ECM2: variants seen among roughly 807,000 people sequenced by gnomAD.
ECM2 encodes the protein extracellular matrix protein 2, female organ and adipocyte specific.
A neutral mutation model predicts 67.5 loss-of-function variants in ECM2; 57 were observed. The observed-to-expected ratio is 0.84, with a 90% confidence interval of 0.68 to 1.05. The LOEUF (loss-of-function observed/expected upper bound fraction) is 1.05, where lower values mean the gene tolerates loss of function less well. Among genes scored for constraint, ECM2 ranks in the 50% least tolerant of loss-of-function variants. ECM2 has a pLI of 0.00. For missense variants in ECM2, 741 were observed against 822.8 expected (o/e 0.90, Z 1.22); for synonymous variants, 258 against 294.5 (o/e 0.88, Z 1.27).
the ECM2 span, among the ~76,000 whole-genome samples, chr9:92,551,297 A>G: frequency 2.0e-5 from 3 of 152,082 alleles, no homozygotes; most frequent in African/African-American, 7.2e-5. Flanking sequence ...TTAAGTATAG[A>G]AGTCTTATTG....
At chr9:92,545,093 G>A in the ECM2 span, among the ~76,000 whole-genome samples, 12 of 152,260 alleles carry the variant, frequency 7.9e-5, no homozygotes, top group South Asian at 1.9e-3. Flanking sequence ...GGCAGCCCTC[G>A]CAGCCCTCGC....
chr9:92,522,547 C>T (rs767168587), intron 2 of ECM2, 28 bp downstream of exon 2: 2 of 1,548,354 alleles, frequency 1.3e-6, no homozygotes, highest in African/African-American at 1.4e-5. Context: ...CTCCCTCTTT[C>T]TGTCTCTCTC....
chr9:92,497,111 C>T (rs1037572341), intron 9 of ECM2, among the ~76,000 whole-genome samples: 20 of 152,102 alleles, frequency 1.3e-4, no homozygotes, highest in African/African-American at 4.6e-4. Context: ...ATTCCCACTC[C>T]TAGGATTTTA....
upstream of ECM2, among the ~76,000 whole-genome samples, chr9:92,540,386 C>T (rs1438699173): frequency 4.7e-5 from 7 of 148,254 alleles, no homozygotes; most frequent in Admixed American, 1.4e-4. Flanking sequence ...CGCAGTGAGT[C>T]GAGATCATGC....
chr9:92,555,881 T>C, the ECM2 span, among the ~76,000 whole-genome samples: 1 of 152,172 alleles, frequency 6.6e-6, no homozygotes, highest in East Asian at 1.9e-4. Context: ...TTGTTGTTGT[T>C]TCAATTTCAT....
rs1272401991 is a variant in ECM2, at chr9:92,496,353, A to G, written c.2062T>C (p.Tyr688His). ...TGTGGTTTAAGAACGATACTTGAGT[A>G]TGATCTTATGCATGAAAATGTGTAA... ...PSYTFSCIRS[Y>H]SSIVLKPQNI... is the part of the protein sequence containing the mutation. The change falls in exon 10 of 10, where the codon TAC becomes CAC. Residue 688 changes from tyrosine to histidine, a missense_variant. Transcript: ENST00000344604. 2.5e-6 allele frequency: 4 copies of G among 1,603,326 alleles called. No homozygotes were observed. Among genetic ancestry groups the G allele is most frequent in the Non-Finnish European group, 3.4e-6 (4 of 1,176,764 alleles).
At chr9:92,533,328 A>AATATATATAT (rs202147064) in intron 1 of ECM2, among the ~76,000 whole-genome samples, 37 of 38,334 alleles carry the variant, frequency 9.7e-4, no homozygotes, top group East Asian at 5.2e-3. Context: ...AAAAAAAAAA[A>AATATATATAT]ATATATATAT....
At chr9:92,551,952 T>TA in the ECM2 span, among the ~76,000 whole-genome samples, 2 of 113,858 alleles carry the variant, frequency 1.8e-5, no homozygotes, top group South Asian at 2.7e-4. Context: ...TATATATATA[T>TA]GATATATATA....
At chr9:92,551,300 T>G in the ECM2 span, among the ~76,000 whole-genome samples, 1 of 152,024 alleles carries the variant, frequency 6.6e-6, no homozygotes, top group Non-Finnish European at 1.5e-5. Flanking sequence ...AGTATAGAAG[T>G]CTTATTGTGA....
intron 1 of ECM2, among the ~76,000 whole-genome samples, chr9:92,533,185 A>T (rs2131289102): frequency 6.7e-6 from 1 of 149,784 alleles, no homozygotes; most frequent in South Asian, 2.1e-4. Context: ...GTGTAGTCCC[A>T]GATACTCAGG....
intron 6 of ECM2, among the ~76,000 whole-genome samples, chr9:92,506,058 A>G (rs1354206218): frequency 6.6e-6 from 1 of 152,212 alleles, no homozygotes; most frequent in Non-Finnish European, 1.5e-5. Flanking sequence ...GAATTCAGGT[A>G]GGAAAGGAAT....
At chr9:92,533,328 A>AATATATATATACAT (rs1848964523) in intron 1 of ECM2, among the ~76,000 whole-genome samples, 1 of 38,338 alleles carries the variant, frequency 2.6e-5, no homozygotes, top group South Asian at 1.3e-3. Context: ...AAAAAAAAAA[A>AATATATATATACAT]ATATATATAT....
At position 92,517,685 on chromosome 9, in the gene ECM2, A is replaced by G. The variant is rs1847811434; in HGVS notation, c.481+2T>C. The stretch of plus-strand genomic sequence containing the variant: ...ATATTTTGCTTAGCTAAATCTCTGT[A>G]CCAGTAGCGGAGCAGACCGGGCAGC... On this transcript the variant is annotated splice_donor_variant, in intron 3 of 9. Transcript: ENST00000344604. LOFTEE classifies it high-confidence loss of function. 9 of 1,614,214 alleles carry G rather than the reference A, an allele frequency of 5.6e-6. No individual in the cohort carries two copies. The East Asian group carries it at 2.0e-4, about 36-fold the overall frequency.
intron 7 of ECM2, 93 bp from the exon 8 acceptor site, chr9:92,502,745 A>G: frequency 9.4e-7 from 1 of 1,068,642 alleles, no homozygotes; most frequent in Non-Finnish European, 1.3e-6. Flanking sequence ...GACTATTATC[A>G]TTAGTATTAT....
chr9:92,549,884 C>T, the ECM2 span, among the ~76,000 whole-genome samples: 2 of 152,096 alleles, frequency 1.3e-5, no homozygotes, highest in African/African-American at 4.8e-5. Context: ...GTAATAATGG[C>T]CAATGTGGAC....
intron 5 of ECM2, 89 bp downstream of exon 5, chr9:92,511,922 T>G: frequency 1.1e-6 from 1 of 941,930 alleles, no homozygotes. Context: ...ATTAGAAGCA[T>G]TTTCCTTTTC....
At position 92,500,713 on chromosome 9, in the gene ECM2, A is replaced by G; in HGVS notation, c.1931+14T>C. 1 of 1,593,590 alleles carries G rather than the reference A, an allele frequency of 6.3e-7. No individual in the cohort carries two copies. On this transcript the variant is annotated intron_variant, in intron 9 of 9. Transcript: ENST00000344604. The stretch of plus-strand genomic sequence containing the variant: ...CCAAAATTTAAACAGATACTTGAAA[A>G]AGCCAAAATTTACCGTATCTTGTTG...
At chr9:92,524,172 T>A (rs189199787) in intron 1 of ECM2, among the ~76,000 whole-genome samples, 20 of 152,340 alleles carry the variant, frequency 1.3e-4, no homozygotes, top group Non-Finnish European at 2.6e-4. Flanking sequence ...TGTGCTTTTA[T>A]TCTCTAGCTT....
At chr9:92,545,074 CA>C in the ECM2 span, among the ~76,000 whole-genome samples, 2 of 152,236 alleles carry the variant, frequency 1.3e-5, no homozygotes, top group Admixed American at 1.3e-4. Flanking sequence ...TAAGAGGTGA[CA>C]GCCTGCTGGC....
Sources: gnomAD v4.1 joint callset for allele counts (sites outside exome capture counted in the v4.1 genomes callset) on GRCh38, gnomAD v4.1.1 for gene constraint, MANE v1.5 for transcripts, NCBI Gene and HGNC (gene_info 2026-07-23, HGNC 2026-07-21) for gene names.